Variants in CAST observed in about 807,000 individuals in gnomAD.
The protein encoded by CAST is MIR583 host.
Under a neutral mutation model 119.6 loss-of-function variants are expected in CAST, and 76 were observed. That is an observed-to-expected ratio of 0.64 (90% CI 0.53 to 0.77). The LOEUF (loss-of-function observed/expected upper bound fraction) is 0.77, where lower values mean the gene tolerates loss of function less well. Ranked by LOEUF, CAST falls within the 30% of genes least tolerant of loss-of-function variation. The probability of loss-of-function intolerance (pLI) is 0.00; values close to 1 mark genes in which losing one functional copy is unlikely to be tolerated. For missense variants in CAST, 953 were observed against 946.5 expected, an observed-to-expected ratio of 1.01 and a Z score of -0.09; for synonymous variants, 319 against 331.6, an observed-to-expected ratio of 0.96 and a Z score of 0.41.
the CAST span, among the ~76,000 whole-genome samples, chr5:95,991,625 C>T: frequency 4.0e-5 from 6 of 151,174 alleles, no homozygotes; most frequent in Non-Finnish European, 8.8e-5. Flanking sequence ...CCTACCTCAG[C>T]CTCCTGAGTA....
chr5:96,285,372 A>T, the CAST span, among the ~76,000 whole-genome samples: 1 of 152,376 alleles, frequency 6.6e-6, no homozygotes, highest in Admixed American at 6.5e-5. Context: ...AACTTTAAAG[A>T]ACTGTACAAA....
the CAST span, among the ~76,000 whole-genome samples, chr5:96,223,748 C>T: frequency 2.3e-3 from 348 of 152,296 alleles, 1 homozygote; most frequent in African/African-American, 8.1e-3. Context: ...GCTTCTTCTC[C>T]ATCTGTCCTT....
At chr5:96,459,570 C>T in the CAST span, among the ~76,000 whole-genome samples, 1 of 152,186 alleles carries the variant, frequency 6.6e-6, no homozygotes, top group Non-Finnish European at 1.5e-5. Context: ...GATTCAGCTG[C>T]TTAAGCTTTA....
chr5:96,674,977 G>A (rs1275317006), intron 1 of CAST, among the ~76,000 whole-genome samples: 1 of 152,114 alleles, frequency 6.6e-6, no homozygotes, highest in Non-Finnish European at 1.5e-5. Flanking sequence ...TTTAAAAATT[G>A]TATTTATCCT....
chr5:96,081,720 TTACAGCCTGGAGAAATGGAACTCTTTC>T, the CAST span, among the ~76,000 whole-genome samples: 2 of 152,072 alleles, frequency 1.3e-5, no homozygotes, highest in Admixed American at 6.5e-5. Flanking sequence ...GATGAAGTCT[TTACAGCCTGGAGAAATGGAACTCTTTC>T]TACAGCCTGG....
chr5:96,757,656 T>A lies in CAST; in HGVS notation c.1833+2T>A. Reference sequence around the variant, plus strand: ...GGTCCACAAAATGCTTCATCTCTTGTAAGTCCAAAACTCTTGGTTTTATTT... The same window carrying A: ...GGTCCACAAAATGCTTCATCTCTTGAAAGTCCAAAACTCTTGGTTTTATTT... On this transcript the variant is annotated splice_donor_variant, in intron 24 of 31. Transcript: ENST00000675179. LOFTEE classifies it high-confidence loss of function. The A allele has an allele frequency of 3.1e-6, 5 of 1,596,044 alleles. 1 individual carries two copies. In the South Asian group the frequency reaches 5.5e-5, roughly 18 times the overall value.
the CAST span, among the ~76,000 whole-genome samples, chr5:96,271,974 A>G: frequency 1.3e-5 from 2 of 152,258 alleles, no homozygotes; most frequent in African/African-American, 4.8e-5. Flanking sequence ...ATTTCTCAAT[A>G]GAAGACATAC....
the CAST span, among the ~76,000 whole-genome samples, chr5:96,337,661 C>A: frequency 2.0e-5 from 3 of 152,204 alleles, no homozygotes; most frequent in Non-Finnish European, 4.4e-5. Context: ...ATGCTCACTT[C>A]TGTGGAGTTC....
Position 96,568,945 on chromosome 5 carries a change from C to G in CAST, c.60+39065C>G, listed in dbSNP as rs1746525040. ...AGCAGCTTTTGCTGTTGTGTCAGAG[C>G]AGAAAATAGAAGAGTGGGCTGGCAC... On this transcript the variant is annotated intron_variant, in intron 1 of 11. Coordinates refer to the CAST transcript ENST00000505143. 1.3e-5 allele frequency among the ~76,000 whole-genome samples: 2 copies of G among 152,086 alleles called. 1 individual carries two copies. The highest frequency in any genetic ancestry group is 4.1e-4 in the South Asian group (2 of 4,828).
the CAST span, among the ~76,000 whole-genome samples, chr5:96,359,178 A>G: frequency 2.0e-5 from 3 of 151,764 alleles, no homozygotes; most frequent in Non-Finnish European, 2.9e-5. Context: ...CTTGCTTTCC[A>G]TTTGCTTGGT....
At chr5:96,064,195 T>C in the CAST span, among the ~76,000 whole-genome samples, 1 of 152,162 alleles carries the variant, frequency 6.6e-6, no homozygotes, top group Non-Finnish European at 1.5e-5. Flanking sequence ...GTAGTTTTTT[T>C]TCTGCTTTGA....
At chr5:96,680,452 A>G (rs1751274448) in intron 2 of CAST, among the ~76,000 whole-genome samples, 1 of 151,186 alleles carries the variant, frequency 6.6e-6, no homozygotes, top group Admixed American at 6.6e-5. Flanking sequence ...AATGGGCACT[A>G]TGTACATCTT....
chr5:96,282,986 C>T, the CAST span, among the ~76,000 whole-genome samples: 2 of 150,634 alleles, frequency 1.3e-5, no homozygotes, highest in Non-Finnish European at 3.0e-5. Flanking sequence ...AAAAATTAGC[C>T]GGGCGTGATG....
the CAST span, among the ~76,000 whole-genome samples, chr5:96,084,667 C>T: frequency 3.3e-5 from 5 of 152,118 alleles, no homozygotes; most frequent in African/African-American, 1.2e-4. Flanking sequence ...GAAGTAAAGG[C>T]CACTGGGAGG....
the CAST span, among the ~76,000 whole-genome samples, chr5:96,492,456 CAT>C: frequency 6.6e-6 from 1 of 152,160 alleles, no homozygotes; most frequent in African/African-American, 2.4e-5. Context: ...GCATCCAACT[CAT>C]ATCAGCTACT....
At chr5:96,117,716 AC>A in the CAST span, among the ~76,000 whole-genome samples, 1 of 152,208 alleles carries the variant, frequency 6.6e-6, no homozygotes, top group Non-Finnish European at 1.5e-5. Context: ...ATTAGACCAA[AC>A]GATATTGTTT....
At chr5:96,426,880 T>G in the CAST span, among the ~76,000 whole-genome samples, 1 of 152,160 alleles carries the variant, frequency 6.6e-6, no homozygotes, top group Admixed American at 6.5e-5. Context: ...AATTTTCAAT[T>G]AAAAATATAC....
the CAST span, chr5:96,318,625 G>A: frequency 6.6e-6 from 1 of 152,144 alleles, no homozygotes; most frequent in East Asian, 1.9e-4. Context: ...TCATACCCAA[G>A]GCCACATGGT....
At chr5:96,126,529 T>C in the CAST span, among the ~76,000 whole-genome samples, 634 of 152,256 alleles carry the variant, frequency 4.2e-3, 2 homozygotes, top group Middle Eastern at 0.027. Flanking sequence ...ATCTTTTTTT[T>C]CCCTTTTTCT....
Sources: allele counts gnomAD v4.1 joint callset (sites outside exome capture counted in the v4.1 genomes callset), GRCh38; gene constraint gnomAD v4.1.1; transcripts MANE v1.5; gene names NCBI Gene and HGNC (gene_info 2026-07-23, HGNC 2026-07-21).